Variants in PTK2 observed in about 807,000 individuals in gnomAD.
PTK2 encodes the protein protein tyrosine kinase 2, also known as focal adhesion kinase 1.
Under a neutral mutation model 150.1 loss-of-function variants are expected in PTK2, and 45 were observed. The observed-to-expected ratio is 0.30, with a 90% CI of 0.24 to 0.38. PTK2 has a LOEUF of 0.38. PTK2 is among the 10% of genes least tolerant of loss of function. PTK2 has a pLI of 1.00. For missense variants in PTK2, 919 were observed against 1,307.3 expected, an observed-to-expected ratio of 0.70 and a Z score of 4.58; for synonymous variants, 432 against 449.2, an observed-to-expected ratio of 0.96 and a Z score of 0.48.
chr8:140,911,604 G>A (rs1179385765), intron 2 of PTK2, among the ~76,000 whole-genome samples: 2 of 152,070 alleles, frequency 1.3e-5, no homozygotes, highest in Non-Finnish European at 2.9e-5. Flanking sequence ...ACATACATAT[G>A]TGTGTACATT....
At chr8:140,909,298 T>A (rs900474820) in intron 2 of PTK2, among the ~76,000 whole-genome samples, 3 of 152,172 alleles carry the variant, frequency 2.0e-5, no homozygotes, top group African/African-American at 7.2e-5. Flanking sequence ...AGTGGTTAAG[T>A]ATATCCCTCA....
At chr8:140,785,876 T>G (rs527892685) in intron 14 of PTK2, among the ~76,000 whole-genome samples, 2 of 152,250 alleles carry the variant, frequency 1.3e-5, no homozygotes, top group East Asian at 1.9e-4. Flanking sequence ...TTAACAATTA[T>G]GAAGGGCTTT....
intron 1 of PTK2, among the ~76,000 whole-genome samples, chr8:140,937,585 T>TAA (rs35149796): frequency 0.01 from 1,304 of 130,114 alleles, 6 homozygotes; most frequent in Middle Eastern, 0.025. Context: ...AAGTAAACAA[T>TAA]AAAAAAAAAA....
chr8:140,815,309 T>A (rs956515601), intron 10 of PTK2, among the ~76,000 whole-genome samples: 2 of 151,398 alleles, frequency 1.3e-5, no homozygotes, highest in East Asian at 3.9e-4. Context: ...AACACAGGAA[T>A]AGAAAACTAA....
chr8:140,849,303 A>T (rs1415146170), intron 5 of PTK2, among the ~76,000 whole-genome samples: 1 of 152,190 alleles, frequency 6.6e-6, no homozygotes, highest in African/African-American at 2.4e-5. Flanking sequence ...AACTCTATTC[A>T]GTGTCTCAAT....
At chr8:140,853,133 A>G (rs1323938981) in intron 5 of PTK2, among the ~76,000 whole-genome samples, 2 of 151,852 alleles carry the variant, frequency 1.3e-5, no homozygotes, top group Non-Finnish European at 1.5e-5. Flanking sequence ...CACACACCTT[A>G]AACACTCAAG....
chr8:140,845,999 GA>G (rs34163173), intron 7 of PTK2, among the ~76,000 whole-genome samples: 6,123 of 151,972 alleles, frequency 0.04, 407 homozygotes, highest in African/African-American at 0.14. Context: ...ATATAAATTA[GA>G]AAAAAATATC....
Position 140,743,229 on chromosome 8 carries a change from C to A in PTK2, c.1735+1G>T. 6.3e-7 allele frequency: 1 copy of A among 1,578,352 alleles called. No individual in the cohort carries two copies. The highest frequency in any genetic ancestry group is 8.7e-7 in the Non-Finnish European group (1 of 1,148,718). On this transcript the variant is annotated splice_donor_variant, in intron 20 of 31. Transcript: ENST00000522684. LOFTEE classifies it high-confidence loss of function. ...TCTTAGGTACTACTCTGATTTCTTA[C>A]CTTTGTAGTAAGTACTATCTTCCAT...
chr8:140,921,121 T>G, intron 2 of PTK2: 1 of 1,278,644 alleles, frequency 7.8e-7, no homozygotes. Flanking sequence ...AATCTTCTCA[T>G]GCTTCCGCAA....
At chr8:140,973,406 T>C (rs1337429118) in intron 1 of PTK2, among the ~76,000 whole-genome samples, 1 of 152,082 alleles carries the variant, frequency 6.6e-6, no homozygotes, top group East Asian at 1.9e-4. Context: ...TACTCATCTC[T>C]AAAGTAAAAG....
chr8:140,790,728 C>T (rs1386909255), intron 13 of PTK2, among the ~76,000 whole-genome samples: 2 of 152,164 alleles, frequency 1.3e-5, no homozygotes, highest in Admixed American at 1.3e-4. Context: ...CAGAATTCTC[C>T]AAATATTTGA....
At chr8:140,698,476 C>A (rs1017508336) in intron 26 of PTK2, among the ~76,000 whole-genome samples, 8 of 152,138 alleles carry the variant, frequency 5.3e-5, no homozygotes, top group Admixed American at 4.6e-4. Flanking sequence ...TTTTTCCAGA[C>A]AGAGTCTGAC....
chr8:140,902,924 G>GTTTTTTGTTT (rs2100159140), intron 2 of PTK2, among the ~76,000 whole-genome samples: 22 of 58,900 alleles, frequency 3.7e-4, no homozygotes, highest in South Asian at 1.1e-3. Flanking sequence ...GATGAGAGTT[G>GTTTTTTGTTT]TTTTTTTTTT....
rs146060057 is a variant in PTK2, at chr8:140,691,741, A to G, written c.2500-5047T>C. 1.4e-3 allele frequency among the ~76,000 whole-genome samples: 206 copies of G among 152,364 alleles called. 1 individual carries two copies. Among genetic ancestry groups the G allele is most frequent in the Non-Finnish European group, 2.5e-3 (170 of 68,034 alleles). Reference sequence around the variant, plus strand: ...GTTCCTCACCTGTAAAATAGGCAGAATAATACCTCAGTCAGTCATTATCAG... The same window carrying G: ...GTTCCTCACCTGTAAAATAGGCAGAGTAATACCTCAGTCAGTCATTATCAG... On this transcript the variant is annotated intron_variant, in intron 26 of 31. Transcript: ENST00000522684.
chr8:140,787,747 A>T (rs1466500471), intron 14 of PTK2, among the ~76,000 whole-genome samples: 1 of 152,222 alleles, frequency 6.6e-6, no homozygotes, highest in Non-Finnish European at 1.5e-5. Context: ...TCTCTTGATC[A>T]AGCCTGGGGA....
chr8:140,921,015 CCT>C, intron 2 of PTK2: 1 of 1,289,386 alleles, frequency 7.8e-7, no homozygotes, highest in East Asian at 3.1e-5. Context: ...CTAAGGTTCC[CCT>C]GTGTGCTCCT....
intron 14 of PTK2, among the ~76,000 whole-genome samples, chr8:140,768,508 C>G (rs1017240901): frequency 2.0e-5 from 3 of 152,226 alleles, no homozygotes; most frequent in African/African-American, 7.2e-5. Flanking sequence ...CTCAGCTAGT[C>G]AGCTGCTGAC....
chr8:140,957,007 G>C (rs1037869640), intron 1 of PTK2, among the ~76,000 whole-genome samples: 1 of 152,112 alleles, frequency 6.6e-6, no homozygotes, highest in Admixed American at 6.5e-5. Flanking sequence ...GTTGCAGTGA[G>C]CCGAGATGAT....
rs369217506 is a variant in PTK2 at position 140,853,341 on chromosome 8, TCCCCCCA to T, written c.451-6670_451-6664del. On this transcript the variant is annotated intron_variant, in intron 5 of 31. Coordinates refer to ENST00000522684, the Ensembl canonical transcript of PTK2. The stretch of plus-strand genomic sequence containing the variant: ...ATATCCTAATGCTATCCCTCCCCCC[TCCCCCCA>T]CCCCACGACAGGCCCCAGTGTGTGA... Among the ~76,000 whole-genome samples the T allele has an allele frequency of 4.5e-3, 259 of 57,154 alleles. 2 individuals carry two copies. Among genetic ancestry groups the T allele is most frequent in the African/African-American group, 0.018 (248 of 13,680 alleles). The allele number at this position is 57,154 out of a possible 152,430, so 37.5% of individuals were successfully genotyped here.
Sources: allele counts gnomAD v4.1 joint callset (sites outside exome capture counted in the v4.1 genomes callset), GRCh38; gene constraint gnomAD v4.1.1; transcripts MANE v1.5; gene names NCBI Gene and HGNC (gene_info 2026-07-23, HGNC 2026-07-21).